Variants in NUDT21 observed in about 807,000 individuals in gnomAD.
NUDT21 encodes the protein cleavage and polyadenylation specificity factor subunit 5.
In NUDT21, 5 loss-of-function variants were observed where a neutral mutation model predicts 29.8. The observed-to-expected ratio is 0.17, with a 90% CI of 0.09 to 0.35. NUDT21 has a LOEUF of 0.35. NUDT21 is among the 10% of genes least tolerant of loss of function. The probability of loss-of-function intolerance (pLI) is 1.00; values close to 1 mark genes in which losing one functional copy is unlikely to be tolerated. For synonymous variants in NUDT21, 113 were observed against 98.5 expected (o/e 1.15, Z -0.87); for missense variants, 76 against 276.0 (o/e 0.28, Z 5.13).
intron 2 of NUDT21, 104 bp downstream of exon 2, chr16:56,447,683 AGT>A: frequency 3.3e-6 from 3 of 898,154 alleles, no homozygotes; most frequent in South Asian, 3.1e-5. Context: ...CATTAACAGC[AGT>A]GTTTGTTGAA....
intron 3 of NUDT21, among the ~76,000 whole-genome samples, chr16:56,440,656 G>C (rs980886660): frequency 6.6e-6 from 1 of 152,042 alleles, no homozygotes; most frequent in Non-Finnish European, 1.5e-5. Flanking sequence ...CATATCAAAG[G>C]TACATGCTAT....
At chr16:56,450,637 T>C (rs1962286288) in intron 1 of NUDT21, among the ~76,000 whole-genome samples, 1 of 152,232 alleles carries the variant, frequency 6.6e-6, no homozygotes, top group Non-Finnish European at 1.5e-5. Flanking sequence ...GCATTACAGC[T>C]AGATCTCGAA....
intron 4 of NUDT21, among the ~76,000 whole-genome samples, chr16:56,437,128 G>A (rs1238313511): frequency 6.6e-6 from 1 of 152,152 alleles, no homozygotes; most frequent in African/African-American, 2.4e-5. Context: ...TTCTTAGGTA[G>A]TGAACACCAG....
At chr16:56,450,932 G>A (rs1278217930) in intron 1 of NUDT21, among the ~76,000 whole-genome samples, 155 bp downstream of exon 1, 3 of 152,234 alleles carry the variant, frequency 2.0e-5, no homozygotes, top group African/African-American at 7.2e-5. Context: ...GATGAGAAAG[G>A]GGCCTGAGAG....
At chr16:56,432,981 A>C (rs1232604856) in intron 6 of NUDT21, among the ~76,000 whole-genome samples, 1 of 152,186 alleles carries the variant, frequency 6.6e-6, no homozygotes, top group East Asian at 1.9e-4. Flanking sequence ...TATAAATTTG[A>C]TTAATTATCC....
chr16:56,438,441 C>T lies in NUDT21; in HGVS notation c.471+1216G>A, dbSNP rs928176101. Among the ~76,000 whole-genome samples, 4 of 152,188 alleles carry T rather than the reference C, an allele frequency of 2.6e-5. No individual in the cohort carries two copies. In the South Asian group the frequency reaches 8.3e-4, roughly 32 times the overall value. On this transcript the variant is annotated intron_variant, in intron 4 of 6. Transcript: ENST00000300291. ...ACTAAGAAGTTTGCTAACACACACA[C>T]GTGTAAGCTCGGGATCAGATACTTT...
intron 3 of NUDT21, 74 bp downstream of exon 3, chr16:56,446,552 T>A: frequency 1.3e-6 from 1 of 775,198 alleles, no homozygotes; most frequent in Middle Eastern, 2.6e-4. Flanking sequence ...AAAATAAGCA[T>A]CCTTTTTACA....
At chr16:56,444,116 T>TA (rs1419972344) in intron 3 of NUDT21, among the ~76,000 whole-genome samples, 90 of 152,074 alleles carry the variant, frequency 5.9e-4, no homozygotes, top group African/African-American at 2.0e-3. Flanking sequence ...CTCATCTCTA[T>TA]AAAAAACTTT....
At chr16:56,450,014 G>A (rs1265950562) in intron 1 of NUDT21, among the ~76,000 whole-genome samples, 1 of 152,162 alleles carries the variant, frequency 6.6e-6, no homozygotes, top group Non-Finnish European at 1.5e-5. Flanking sequence ...ATAAAACAAT[G>A]TTAACCATCT....
chr16:56,446,425 T>C, intron 3 of NUDT21: 1 of 494,108 alleles, frequency 2.0e-6, no homozygotes, highest in South Asian at 3.2e-5. Flanking sequence ...ACCATTGCTG[T>C]GACACAGTTT....
At chr16:56,434,988 T>C (rs1204182645) in intron 4 of NUDT21, 159 bp from the exon 5 acceptor site, 3 of 468,732 alleles carry the variant, frequency 6.4e-6, no homozygotes, top group Non-Finnish European at 1.1e-5. Context: ...ATAAATGCTT[T>C]AATGCATATA....
intron 1 of NUDT21, among the ~76,000 whole-genome samples, chr16:56,448,792 G>C (rs555153095): frequency 6.6e-6 from 1 of 152,258 alleles, no homozygotes; most frequent in Admixed American, 6.5e-5. Context: ...AAGCCTTACA[G>C]CAAGAAGCCT....
rs1962004237 is a variant in NUDT21, at chr16:56,429,160, T to C, written c.*3552A>G. 1 of 152,126 alleles carries C rather than the reference T, an allele frequency of 6.6e-6. No individual in the cohort carries two copies. The highest frequency in any genetic ancestry group is 1.5e-5 in the Non-Finnish European group (1 of 68,006). The allele number at this position is 152,126 out of a possible 1,614,324, so 9.4% of individuals were successfully genotyped here. On this transcript the variant is annotated 3_prime_UTR_variant, in exon 7 of 7. Coordinates refer to ENST00000300291, the MANE Select transcript of NUDT21 (RefSeq NM_007006.3). ...CTCTTTCAAATATTTTTTATTGAAA[T>C]GACAATAAAATAAAAAAAGAACAGT...
chr16:56,439,554 A>G (rs1962138617), intron 4 of NUDT21, 103 bp downstream of exon 4: 1 of 812,590 alleles, frequency 1.2e-6, no homozygotes, highest in Admixed American at 2.1e-5. Context: ...AGGGAAGAAA[A>G]GAAAATTTCA....
chr16:56,439,785 T>A (rs761783351), intron 3 of NUDT21, 39 bp from the exon 4 acceptor site: 2 of 1,480,450 alleles, frequency 1.4e-6, no homozygotes, highest in South Asian at 2.3e-5. Flanking sequence ...ACTAAATATA[T>A]GTACTCACAA....
rs1286657693 is a variant in NUDT21, at chr16:56,447,849, ACAATCAGAACCCCTTCTACAGTCCT to A, written c.232_256del (p.Arg78TyrfsTer36). The A allele has an allele frequency of 6.2e-7, 1 of 1,614,012 alleles. No homozygotes were observed. The highest frequency in any genetic ancestry group is 1.3e-5 in the African/African-American group (1 of 74,924). The stretch of plus-strand genomic sequence containing the variant: ...CACATGGGGTAGCCGGTGCTCATGT[ACAATCAGAACCCCTTCTACAGTCCT>A]CCTCATTCCAATTTTATCAAATTCT... On this transcript the variant is annotated frameshift_variant, in exon 2 of 7. Transcript: ENST00000300291. LOFTEE classifies it high-confidence loss of function.
chr16:56,446,888 G>T (rs1419704024), intron 2 of NUDT21, 199 bp from the exon 3 acceptor site: 3 of 433,156 alleles, frequency 6.9e-6, no homozygotes, highest in South Asian at 5.4e-5. Flanking sequence ...CAAACCCTAG[G>T]TTTTTTTCCT....
At position 56,435,189 on chromosome 16, in the gene NUDT21, T is replaced by C. The variant is rs557605902; in HGVS notation, c.472-360A>G. The C allele has an allele frequency of 3.2e-3, 515 of 159,770 alleles. 1 individual carries two copies. The highest frequency in any genetic ancestry group is 5.1e-3 in the Non-Finnish European group (376 of 73,410). 9.9% of individuals were successfully genotyped at this position (159,770 alleles called of 1,614,324 possible). A position where few individuals can be genotyped will look rare whatever the true frequency, so the allele number is the denominator to read the frequency against. On this transcript the variant is annotated intron_variant, in intron 4 of 6. Coordinates refer to ENST00000300291, the MANE Select transcript of NUDT21 (RefSeq NM_007006.3). ...CCTAGGCTGGAGTGCAATGGCGCAA[T>C]CTCGGCTCACCACAACCTCTGCCTC... is the stretch of plus-strand genomic sequence containing the variant.
intron 4 of NUDT21, among the ~76,000 whole-genome samples, chr16:56,436,016 A>G (rs1962100394): frequency 6.8e-6 from 1 of 147,456 alleles, no homozygotes; most frequent in South Asian, 2.1e-4. Context: ...ATAAAAATAT[A>G]TATATAATAT....
Sources: gnomAD v4.1 joint callset for allele counts (sites outside exome capture counted in the v4.1 genomes callset) on GRCh38, gnomAD v4.1.1 for gene constraint, MANE v1.5 for transcripts, NCBI Gene and HGNC (gene_info 2026-07-23, HGNC 2026-07-21) for gene names.